OPCML: variants seen among roughly 807,000 people sequenced by gnomAD.
OPCML encodes the protein opioid binding protein/cell adhesion molecule like.
A neutral mutation model predicts 37.8 loss-of-function variants in OPCML; 13 were observed. The ratio of observed to expected loss-of-function variants is 0.34; its 90% confidence interval spans 0.22 to 0.55. The LOEUF (loss-of-function observed/expected upper bound fraction) is 0.55. OPCML is among the 20% of genes least tolerant of loss of function. The pLI is 0.91. For missense variants in OPCML, 341 were observed against 435.6 expected, an observed-to-expected ratio of 0.78 and a Z score of 1.93; for synonymous variants, 176 against 168.8, an observed-to-expected ratio of 1.04 and a Z score of -0.33.
intron 2 of OPCML, among the ~76,000 whole-genome samples, chr11:132,777,001 T>C (rs1357085447): frequency 6.6e-6 from 1 of 152,094 alleles, no homozygotes; most frequent in Non-Finnish European, 1.5e-5. Context: ...GAGAGAGTAA[T>C]CTTTAGCTAC....
At chr11:132,567,563 C>T (rs939281436) in intron 3 of OPCML, among the ~76,000 whole-genome samples, 2 of 151,972 alleles carry the variant, frequency 1.3e-5, no homozygotes, top group East Asian at 1.9e-4. Context: ...GGTTATGGCT[C>T]ATATCATAAA....
At chr11:133,015,357 A>G (rs1947301111) in intron 1 of OPCML, among the ~76,000 whole-genome samples, 1 of 142,010 alleles carries the variant, frequency 7.0e-6, no homozygotes. Context: ...GGGAGGGAGG[A>G]AGGAAGGGAG....
chr11:132,750,484 T>C (rs1945794533), intron 2 of OPCML, among the ~76,000 whole-genome samples: 1 of 152,078 alleles, frequency 6.6e-6, no homozygotes, highest in Admixed American at 6.5e-5. Context: ...AACATACTTG[T>C]CTTGGTAGGT....
At chr11:132,652,665 A>G (rs553305262) in intron 3 of OPCML, among the ~76,000 whole-genome samples, 1 of 152,308 alleles carries the variant, frequency 6.6e-6, no homozygotes, top group South Asian at 2.1e-4. Context: ...ACACTGTGCC[A>G]TCTCTGTAAA....
chr11:133,224,578 G>A (rs570875417), intron 1 of OPCML, among the ~76,000 whole-genome samples: 2 of 152,214 alleles, frequency 1.3e-5, no homozygotes, highest in Non-Finnish European at 2.9e-5. Context: ...CCTGAACCCA[G>A]CCCAAAGAGA....
At chr11:132,884,417 A>G (rs186208251) in intron 2 of OPCML, among the ~76,000 whole-genome samples, 29 of 152,272 alleles carry the variant, frequency 1.9e-4, no homozygotes, top group Admixed American at 9.2e-4. Context: ...CGTAGAGAGA[A>G]CCTGTCAAAG....
chr11:132,595,544 T>C (rs553557872), intron 3 of OPCML, among the ~76,000 whole-genome samples: 1 of 152,318 alleles, frequency 6.6e-6, no homozygotes, highest in South Asian at 2.1e-4. Context: ...CCCTGGGAGC[T>C]GCCTGTAGAC....
chr11:133,419,510 C>T (rs1332811934), intron 1 of OPCML: 2 of 176,506 alleles, frequency 1.1e-5, no homozygotes, highest in Non-Finnish European at 2.2e-5. Context: ...ACTCAAAAGC[C>T]ATTACTTTCA....
chr11:133,350,413 T>C lies in OPCML; in HGVS notation c.61+181851A>G, dbSNP rs193122031. The stretch of plus-strand genomic sequence containing the variant: ...TAATGGAGAATCATCCAGACTTTCT[T>C]CCCTGCTTGAAGTTGAAAACATCAG... On this transcript the variant is annotated intron_variant, in intron 1 of 7. Coordinates refer to ENST00000524381, the MANE Select transcript of OPCML (RefSeq NM_001012393.5). 5.3e-3 allele frequency among the ~76,000 whole-genome samples: 813 copies of C among 152,296 alleles called. 4 individuals carry two copies. Among genetic ancestry groups the C allele is most frequent in the Non-Finnish European group, 5.8e-3 (395 of 68,024 alleles).
intron 1 of OPCML, among the ~76,000 whole-genome samples, chr11:133,426,337 T>C (rs1946001710): frequency 6.6e-6 from 1 of 152,118 alleles, no homozygotes; most frequent in Non-Finnish European, 1.5e-5. Flanking sequence ...CTCTATCAAC[T>C]TTCTACAAAA....
intron 1 of OPCML, among the ~76,000 whole-genome samples, chr11:133,210,242 G>C (rs546015173): frequency 6.6e-6 from 1 of 152,302 alleles, no homozygotes; most frequent in African/African-American, 2.4e-5. Context: ...CACTGAATTT[G>C]CTCAAGTTGT....
intron 4 of OPCML, among the ~76,000 whole-genome samples, chr11:132,445,580 G>T (rs896141997): frequency 2.6e-5 from 4 of 152,290 alleles, no homozygotes; most frequent in African/African-American, 9.6e-5. Flanking sequence ...TCCCTGGGGG[G>T]TCATGAGACT....
Position 132,570,804 on chromosome 11 carries a change from T to TGAGAGAG in OPCML, c.380-41619_380-41618insCTCTCTC, listed in dbSNP as rs1271040683. On this transcript the variant is annotated intron_variant, in intron 3 of 7. Transcript: ENST00000524381. ...ATATATATATATATATATATATATT[T>TGAGAGAG]AGAGAGAGAGAGAGAGGATATATAC... Among the ~76,000 whole-genome samples the TGAGAGAG allele has an allele frequency of 2.7e-3, 248 of 90,760 alleles. 3 individuals carry two copies. Among genetic ancestry groups the TGAGAGAG allele is most frequent in the Middle Eastern group, 0.011 (2 of 176 alleles). 59.5% of individuals were successfully genotyped at this position (90,760 alleles called of 152,430 possible). A position where few individuals can be genotyped will look rare whatever the true frequency, so the allele number is the denominator to read the frequency against.
chr11:132,632,588 G>A (rs145284792), intron 3 of OPCML, among the ~76,000 whole-genome samples: 2 of 152,140 alleles, frequency 1.3e-5, no homozygotes, highest in African/African-American at 4.8e-5. Context: ...ACACAATGTC[G>A]CCGCAGAGGA....
intron 1 of OPCML, among the ~76,000 whole-genome samples, chr11:133,098,703 T>C (rs1458916786): frequency 6.6e-6 from 1 of 152,140 alleles, no homozygotes; most frequent in Non-Finnish European, 1.5e-5. Context: ...CCAGAAAACC[T>C]ACAGCTAGCA....
At chr11:132,478,759 T>G (rs1031306461) in intron 4 of OPCML, among the ~76,000 whole-genome samples, 2 of 152,196 alleles carry the variant, frequency 1.3e-5, no homozygotes, top group African/African-American at 4.8e-5. Context: ...CTTCTAAGAT[T>G]AACTGGTTTT....
At chr11:133,351,782 C>A (rs552800777) in intron 1 of OPCML, among the ~76,000 whole-genome samples, 44 of 152,208 alleles carry the variant, frequency 2.9e-4, no homozygotes, top group Non-Finnish European at 7.4e-5. Context: ...CACACACACA[C>A]GTACACATGA....
intron 2 of OPCML, among the ~76,000 whole-genome samples, chr11:132,923,541 G>A (rs1944883803): frequency 6.6e-6 from 1 of 152,074 alleles, no homozygotes; most frequent in African/African-American, 2.4e-5. Flanking sequence ...AACTTTTCAG[G>A]AAGAAAGAGC....
At chr11:132,481,156 G>T (rs983359075) in intron 4 of OPCML, among the ~76,000 whole-genome samples, 1 of 152,144 alleles carries the variant, frequency 6.6e-6, no homozygotes, top group South Asian at 2.1e-4. Context: ...AGACCCATCA[G>T]TGTGCTGTAT....
Sources: gnomAD v4.1 joint callset for allele counts (sites outside exome capture counted in the v4.1 genomes callset) on GRCh38, gnomAD v4.1.1 for gene constraint, MANE v1.5 for transcripts, NCBI Gene and HGNC (gene_info 2026-07-23, HGNC 2026-07-21) for gene names.